Variants in ARHGAP35 observed in about 807,000 individuals in gnomAD.
The protein encoded by ARHGAP35 is Rho GTPase activating protein 35, also known as rho GTPase-activating protein 35.
In ARHGAP35, 15 loss-of-function variants were observed where a neutral mutation model predicts 111.1. That is an observed-to-expected ratio of 0.13 (90% CI 0.09 to 0.21). ARHGAP35 has a LOEUF of 0.21. ARHGAP35 is among the 10% of genes least tolerant of loss of function. The pLI is 1.00. For missense variants in ARHGAP35, 1,262 were observed against 1,873.0 expected, an observed-to-expected ratio of 0.67 and a Z score of 6.02; for synonymous variants, 643 against 710.3, an observed-to-expected ratio of 0.91 and a Z score of 1.51.
At chr19:46,997,389 G>A (rs1313478587) in intron 5 of ARHGAP35, 1 of 152,208 alleles carries the variant, frequency 6.6e-6, no homozygotes, top group Non-Finnish European at 1.5e-5. Context: ...CTGGAGCTCT[G>A]TCCCTTCCAG....
intron 3 of ARHGAP35, among the ~76,000 whole-genome samples, chr19:46,971,333 G>A (rs1394459525): frequency 6.6e-6 from 1 of 151,946 alleles, no homozygotes; most frequent in Non-Finnish European, 1.5e-5. Context: ...TTGAACCCGG[G>A]AGGCAGAGGT....
chr19:46,891,762 T>G (rs917961886), intron 1 of ARHGAP35, among the ~76,000 whole-genome samples: 1 of 152,130 alleles, frequency 6.6e-6, no homozygotes, highest in Non-Finnish European at 1.5e-5. Flanking sequence ...CTGAATTTTT[T>G]GTGTAAGTCC....
At chr19:46,952,414 TC>T (rs1448216483) in intron 3 of ARHGAP35, among the ~76,000 whole-genome samples, 2 of 152,380 alleles carry the variant, frequency 1.3e-5, no homozygotes, top group African/African-American at 4.8e-5. Flanking sequence ...TGCAAAATAA[TC>T]TGTAATTGTG....
intron 2 of ARHGAP35, among the ~76,000 whole-genome samples, chr19:46,931,055 G>T (rs980828068): frequency 1.3e-5 from 2 of 152,022 alleles, no homozygotes; most frequent in African/African-American, 2.4e-5. Context: ...TTCATCTGGC[G>T]GTTTTTAAAA....
At position 46,901,250 on chromosome 19, in the gene ARHGAP35, G is replaced by A. The variant is rs1164313041; in HGVS notation, c.-188-17238G>A. 1.3e-5 allele frequency among the ~76,000 whole-genome samples: 2 copies of A among 152,174 alleles called. No individual in the cohort carries two copies. The highest frequency in any genetic ancestry group is 4.8e-5 in the African/African-American group (2 of 41,446). On this transcript the variant is annotated intron_variant, in intron 1 of 6. Transcript: ENST00000672722. This position sits in a 1 kb window ranked among gnomAD's most constrained non-coding sequence, Gnocchi z 4.5. ...GGAGATGAGATCACATAGGGAATAA[G>A]AATTTGAGGGTTTAATATAAGAGCA...
At chr19:46,882,334 G>A (rs888201167) in intron 1 of ARHGAP35, among the ~76,000 whole-genome samples, 4 of 151,742 alleles carry the variant, frequency 2.6e-5, no homozygotes, top group Non-Finnish European at 5.9e-5. Flanking sequence ...GACAGGATCA[G>A]CGTATGTTGA....
At chr19:46,910,064 T>C (rs1037403707) in intron 1 of ARHGAP35, among the ~76,000 whole-genome samples, 2 of 152,120 alleles carry the variant, frequency 1.3e-5, no homozygotes, top group Non-Finnish European at 2.9e-5. Context: ...ATTTGTTGGG[T>C]GAGTAGTTAA....
intron 1 of ARHGAP35, among the ~76,000 whole-genome samples, chr19:46,870,809 T>A (rs1055460370): frequency 6.6e-6 from 1 of 152,102 alleles, no homozygotes; most frequent in African/African-American, 2.4e-5. Flanking sequence ...GGTGTATATA[T>A]TTTCTTGTGT....
chr19:46,945,378 A>G lies in ARHGAP35; in HGVS notation c.3826+7970A>G, dbSNP rs1255662709. Among the ~76,000 whole-genome samples the G allele has an allele frequency of 6.6e-6, 1 of 152,204 alleles. No homozygotes were observed. The highest frequency in any genetic ancestry group is 1.5e-5 in the Non-Finnish European group (1 of 68,032). ...TCATCTGAGCTCTCTGATGCACAGC[A>G]GGAAGTAGAATTATTCAATTCAGTG... On this transcript the variant is annotated intron_variant, in intron 3 of 6. Transcript: ENST00000672722. This position sits in a 1 kb window ranked among gnomAD's most constrained non-coding sequence, Gnocchi z 4.1.
At chr19:46,891,780 T>G (rs2056025228) in intron 1 of ARHGAP35, among the ~76,000 whole-genome samples, 1 of 152,116 alleles carries the variant, frequency 6.6e-6, no homozygotes, top group South Asian at 2.1e-4. Flanking sequence ...TCCATTCTAT[T>G]TTCTGGGAGA....
At chr19:46,880,877 C>G (rs920154334) in intron 1 of ARHGAP35, among the ~76,000 whole-genome samples, 4 of 150,086 alleles carry the variant, frequency 2.7e-5, no homozygotes, top group African/African-American at 9.8e-5. Flanking sequence ...AGTCTTACTA[C>G]ATTGCCTGGG....
intron 3 of ARHGAP35, among the ~76,000 whole-genome samples, chr19:46,977,577 G>A (rs1599860256): frequency 6.6e-6 from 1 of 152,180 alleles, no homozygotes; most frequent in African/African-American, 2.4e-5. Context: ...ATACACAGAC[G>A]GGTGATGAGA....
intron 1 of ARHGAP35, among the ~76,000 whole-genome samples, chr19:46,868,511 A>G (rs1193119550): frequency 6.6e-6 from 1 of 152,238 alleles, no homozygotes; most frequent in Non-Finnish European, 1.5e-5. Flanking sequence ...TAGGTTCCAT[A>G]TCACAGTATT....
At chr19:46,950,239 T>A (rs777964716) in intron 3 of ARHGAP35, among the ~76,000 whole-genome samples, 5 of 152,240 alleles carry the variant, frequency 3.3e-5, no homozygotes, top group African/African-American at 4.8e-5. Context: ...CATCCATGGT[T>A]GTGTATGATT....
At chr19:46,944,905 A>C (rs2056369728) in intron 3 of ARHGAP35, among the ~76,000 whole-genome samples, 1 of 152,146 alleles carries the variant, frequency 6.6e-6, no homozygotes, top group Non-Finnish European at 1.5e-5. Context: ...TTCTTTCCTG[A>C]GCTTTCTGAC....
chr19:46,976,882 G>A (rs1434651157), intron 3 of ARHGAP35, among the ~76,000 whole-genome samples: 1 of 152,166 alleles, frequency 6.6e-6, no homozygotes, highest in Non-Finnish European at 1.5e-5. Flanking sequence ...TCACTCACAC[G>A]CACACCTTCT....
In ARHGAP35 at chr19:46,960,275, G is replaced by A. The variant is rs768998123; in HGVS notation, c.3826+22867G>A. ...TCTGTCATTAGGTACCCATCTTCTT[G>A]GGTATACGTATCACTCTGCTAAGAA... On this transcript the variant is annotated intron_variant, in intron 3 of 6. Coordinates refer to ENST00000672722, the MANE Select transcript of ARHGAP35 (RefSeq NM_004491.5). Among the ~76,000 whole-genome samples, 110 of 152,048 alleles carry A rather than the reference G, an allele frequency of 7.2e-4. 1 individual carries two copies. Among genetic ancestry groups the A allele is most frequent in the Non-Finnish European group, 2.4e-4 (16 of 68,024 alleles).
intron 3 of ARHGAP35, among the ~76,000 whole-genome samples, chr19:46,954,080 G>A (rs1040345156): frequency 6.6e-6 from 1 of 152,118 alleles, no homozygotes; most frequent in Non-Finnish European, 1.5e-5. Context: ...TCTGCCATGT[G>A]AGGACACGAG....
intron 1 of ARHGAP35, among the ~76,000 whole-genome samples, chr19:46,917,033 C>A (rs8112694): frequency 0.023 from 3,490 of 151,756 alleles, 140 homozygotes; most frequent in African/African-American, 0.079. Context: ...TCATTTTTAA[C>A]TATACAGTTC....
Sources: gnomAD v4.1 joint callset for allele counts (sites outside exome capture counted in the v4.1 genomes callset) on GRCh38, gnomAD v4.1.1 for gene constraint, Gnocchi (gnomAD v3.1) non-coding constraint, MANE v1.5 for transcripts, NCBI Gene and HGNC (gene_info 2026-07-23, HGNC 2026-07-21) for gene names.